The following ARHGEF37 variants were observed in gnomAD, a reference collection of about 807,000 sequenced individuals.
ARHGEF37 encodes the protein Rho guanine nucleotide exchange factor (GEF) 37.
A neutral mutation model predicts 71.1 loss-of-function variants in ARHGEF37; 55 were observed. The ratio of observed to expected loss-of-function variants is 0.77; its 90% CI spans 0.62 to 0.97. The LOEUF (loss-of-function observed/expected upper bound fraction) is 0.97. Among genes scored for constraint, ARHGEF37 ranks in the 50% least tolerant of loss-of-function variants. ARHGEF37 has a pLI of 0.00. For synonymous variants in ARHGEF37, 327 were observed against 350.6 expected (o/e 0.93, Z 0.75); for missense variants, 765 against 836.8 (o/e 0.91, Z 1.06).
intron 1 of ARHGEF37, among the ~76,000 whole-genome samples, chr5:149,575,532 A>G (rs1445072593): frequency 2.6e-5 from 4 of 152,186 alleles, no homozygotes; most frequent in African/African-American, 9.7e-5. Flanking sequence ...AAGCAATGAG[A>G]CATGAGGAAG....
chr5:149,586,178 G>A (rs1763232080), intron 1 of ARHGEF37, among the ~76,000 whole-genome samples: 1 of 152,150 alleles, frequency 6.6e-6, no homozygotes, highest in Non-Finnish European at 1.5e-5. Flanking sequence ...GGAAAGGAGT[G>A]GTTCTTTTGA....
In ARHGEF37 at chr5:149,624,156, C is replaced by T. The variant is rs1442821673; in HGVS notation, c.1464+16C>T. 6.9e-6 allele frequency: 11 copies of T among 1,601,448 alleles called. No individual in the cohort carries two copies. In the South Asian group the frequency reaches 1.2e-4, roughly 18 times the overall value. ...CACCACACAAGTAAGCATCCTTCCT[C>T]CACCCCAAAGACTGTCCAGTTCTTC... On this transcript the variant is annotated intron_variant, in intron 10 of 12. Coordinates refer to ENST00000333677, the MANE Select transcript of ARHGEF37 (RefSeq NM_001001669.3).
upstream of ARHGEF37, among the ~76,000 whole-genome samples, chr5:149,579,529 A>C (rs1354910370): frequency 6.6e-6 from 1 of 152,108 alleles, no homozygotes; most frequent in African/African-American, 2.4e-5. Flanking sequence ...TCTCTGCTTG[A>C]ATGTTTACTT....
chr5:149,578,632 A>G (rs1763052717), upstream of ARHGEF37, among the ~76,000 whole-genome samples: 1 of 152,246 alleles, frequency 6.6e-6, no homozygotes, highest in Admixed American at 6.5e-5. Flanking sequence ...TTGAACTGGC[A>G]CATGTATTTT....
At chr5:149,631,954 T>A (rs763865517) in intron 12 of ARHGEF37, 28 bp from the exon 13 acceptor site, 1 of 1,610,576 alleles carries the variant, frequency 6.2e-7, no homozygotes, top group Middle Eastern at 1.7e-4. Flanking sequence ...ACCCTGACCA[T>A]TTCTGTGTCA....
At chr5:149,598,333 C>CTT (rs1763625746) in intron 2 of ARHGEF37, among the ~76,000 whole-genome samples, 90 of 74,068 alleles carry the variant, frequency 1.2e-3, no homozygotes, top group African/African-American at 4.1e-3. Context: ...TTCTTTCTTC[C>CTT]TCTTCCTCTT....
At chr5:149,553,890 G>A (rs558585143) in intron 1 of ARHGEF37, among the ~76,000 whole-genome samples, 34 of 152,280 alleles carry the variant, frequency 2.2e-4, no homozygotes, top group Middle Eastern at 3.4e-3. Context: ...AGTTGAGCCC[G>A]GGTGCAGTGG....
chr5:149,600,983 C>A, intron 2 of ARHGEF37, 125 bp from the exon 3 acceptor site: 9 of 1,167,302 alleles, frequency 7.7e-6, no homozygotes, highest in Non-Finnish European at 1.1e-5. Context: ...CAAAATTCCA[C>A]TGGGGCAGCC....
Position 149,628,925 on chromosome 5 carries a change from C to T in ARHGEF37, c.1777C>T (p.Pro593Ser), listed in dbSNP as rs1295853396. 5 of 1,612,952 alleles carry T rather than the reference C, an allele frequency of 3.1e-6. No homozygotes were observed. The highest frequency in any genetic ancestry group is 3.4e-6 in the Non-Finnish European group (4 of 1,179,978). ...AGACCCCCGATGTCTAACACCGGAG[C>T]CCAGCCCAGCTCTAGTGCCCTCTAT... ...NKDPRCLTPE[P>S]SPALVPSIPT... The change falls in exon 12 of 13, where the codon CCC becomes TCC. Residue 593 changes from proline to serine, a missense_variant. Pro to Ser is a moderately conservative substitution (Grantham distance 74). Around this residue, in one of 5 missense-constraint regions of ARHGEF37, gnomAD observed 390 missense variants for 407.4 expected, o/e 0.96. Transcript: ENST00000333677.
intron 1 of ARHGEF37, among the ~76,000 whole-genome samples, chr5:149,587,007 C>G (rs948962254): frequency 6.6e-6 from 1 of 152,238 alleles, no homozygotes; most frequent in African/African-American, 2.4e-5. Context: ...CAGATGATCT[C>G]TGTTTCCCTT....
chr5:149,629,061 T>A, intron 12 of ARHGEF37, 95 bp downstream of exon 12: 2 of 1,408,120 alleles, frequency 1.4e-6, no homozygotes, highest in Non-Finnish European at 9.5e-7. Context: ...GCCCCTCCTG[T>A]CTGGTGGGGC....
intron 1 of ARHGEF37, among the ~76,000 whole-genome samples, chr5:149,557,058 A>T (rs1178081031): frequency 6.6e-6 from 1 of 152,206 alleles, no homozygotes; most frequent in Non-Finnish European, 1.5e-5. Context: ...TGCATCTATG[A>T]CAGTGTTTTG....
intron 1 of ARHGEF37, among the ~76,000 whole-genome samples, chr5:149,558,817 A>T (rs575319791): frequency 1.8e-4 from 27 of 152,128 alleles, no homozygotes; most frequent in African/African-American, 6.5e-4. Context: ...TAAAATTCAG[A>T]TAAATCGGAA....
chr5:149,598,737 C>CATATATATATATAT (rs201234693), intron 2 of ARHGEF37, among the ~76,000 whole-genome samples: 34 of 104,630 alleles, frequency 3.2e-4, no homozygotes, highest in African/African-American at 1.2e-3. Flanking sequence ...AAATAAATCT[C>CATATATATATATAT]ATATATATAT....
chr5:149,603,392 G>A (rs1171224230), intron 3 of ARHGEF37, among the ~76,000 whole-genome samples: 1 of 152,158 alleles, frequency 6.6e-6, no homozygotes, highest in African/African-American at 2.4e-5. Flanking sequence ...GGCACAGAGA[G>A]AGGCAATAAC....
chr5:149,552,218 CAAAAAAAAAAAAAA>C (rs58298279), intron 1 of ARHGEF37: 7 of 72,744 alleles, frequency 9.6e-5, no homozygotes, highest in South Asian at 6.1e-4. Context: ...TCAACCCCAC[CAAAAAAAAAAAAAA>C]AAAAAAAAAA....
intron 9 of ARHGEF37, among the ~76,000 whole-genome samples, 169 bp from the exon 10 acceptor site, chr5:149,623,843 C>T (rs1752605837): frequency 6.6e-6 from 1 of 152,202 alleles, no homozygotes; most frequent in South Asian, 2.1e-4. Context: ...ATCTCACTCA[C>T]TCCTAGGTTG....
At chr5:149,604,839 C>T (rs923084979) in intron 3 of ARHGEF37, among the ~76,000 whole-genome samples, 3 of 151,726 alleles carry the variant, frequency 2.0e-5, no homozygotes, top group African/African-American at 4.8e-5. Flanking sequence ...TGCGCCACCA[C>T]GCCCGGCTAA....
At chr5:149,616,116 G>A (rs1224017547) in intron 4 of ARHGEF37, among the ~76,000 whole-genome samples, 1 of 152,134 alleles carries the variant, frequency 6.6e-6, no homozygotes, top group Non-Finnish European at 1.5e-5. Context: ...AGGACCAAAT[G>A]AGGTCACTAA....
Sources: gnomAD v4.1 joint callset for allele counts (sites outside exome capture counted in the v4.1 genomes callset) on GRCh38, gnomAD v4.1.1 for gene constraint, gnomAD v4.1.1 regional missense constraint, MANE v1.5 for transcripts, NCBI Gene and HGNC (gene_info 2026-07-23, HGNC 2026-07-21) for gene names.